The following MEIS3 variants were observed in gnomAD, a reference collection of about 807,000 sequenced individuals.
The protein encoded by MEIS3 is Meis homeobox 3, also known as homeobox protein Meis3.
A neutral mutation model predicts 51.4 loss-of-function variants in MEIS3; 38 were observed. The observed-to-expected ratio is 0.74, with a 90% CI of 0.57 to 0.97. The LOEUF (loss-of-function observed/expected upper bound fraction) is 0.97. MEIS3 is among the 50% of genes least tolerant of loss of function. The pLI, the probability that MEIS3 is intolerant of heterozygous loss-of-function variation, is 0.00. For missense variants in MEIS3, 456 were observed against 502.6 expected (o/e 0.91, Z 0.89); for synonymous variants, 198 against 201.8 (o/e 0.98, Z 0.16).
chr19:47,417,623 G>A (rs561677357), intron 1 of MEIS3: 101 of 702,936 alleles, frequency 1.4e-4, no homozygotes, highest in Non-Finnish European at 2.3e-4. Context: ...CTGGCTGGGA[G>A]GGAAAAGAGA....
At chr19:47,413,191 G>T (rs879426089) in intron 6 of MEIS3, among the ~76,000 whole-genome samples, 1 of 151,664 alleles carries the variant, frequency 6.6e-6, no homozygotes, top group South Asian at 2.1e-4. Flanking sequence ...GAAGTCAGGA[G>T]TTCGAGGCCA....
At position 47,407,391 on chromosome 19, in the gene MEIS3, G is replaced by A. The variant is rs746119298; in HGVS notation, c.896C>T (p.Ala299Val). 5.0e-6 allele frequency: 8 copies of A among 1,613,560 alleles called. No individual in the cohort carries two copies. The South Asian group carries it at 5.5e-5, about 11-fold the overall frequency. Residue 299 changes from alanine (A) to valine (V), a missense_variant, in exon 9 of 13, where the codon GCG becomes GTG. Ala to Val is a moderately conservative substitution (Grantham distance 64, BLOSUM62 0). Coordinates refer to ENST00000558555, the MANE Select transcript of MEIS3 (RefSeq NM_001301059.2). Reference sequence around the variant, plus strand: ...CAGGATGGTGAGCCCCGTGTCCTGCGCCAGCTGTTTCTTCTGCTCCTCCGA... The same window carrying A: ...CAGGATGGTGAGCCCCGTGTCCTGCACCAGCTGTTTCTTCTGCTCCTCCGA... Reference protein sequence around the residue: ...YPSEEQKKQLAQDTGLTILQV... With the variant: ...YPSEEQKKQLVQDTGLTILQV...
intron 6 of MEIS3, among the ~76,000 whole-genome samples, chr19:47,410,377 G>A (rs28578940): frequency 0.23 from 35,389 of 150,894 alleles, 4,391 homozygotes; most frequent in Middle Eastern, 0.37. Context: ...GAACCCGGGA[G>A]GGGGAGGTTG....
intron 10 of MEIS3, 48 bp downstream of exon 10, chr19:47,407,031 C>A: frequency 6.3e-7 from 1 of 1,587,332 alleles, no homozygotes; most frequent in Non-Finnish European, 8.6e-7. Context: ...CCGGCTTTGA[C>A]GCCCTCCTAA....
chr19:47,420,940 A>ACACACACACACACACACTCTCTCTCT (rs1187725467), upstream of MEIS3, among the ~76,000 whole-genome samples: 1 of 90,970 alleles, frequency 1.1e-5, no homozygotes, highest in African/African-American at 5.7e-5. Context: ...ACACACACAC[A>ACACACACACACACACACTCTCTCTCT]CTCTCTCTCT....
intron 8 of MEIS3, among the ~76,000 whole-genome samples, chr19:47,407,960 C>A (rs1970933235): frequency 6.6e-6 from 1 of 152,186 alleles, no homozygotes; most frequent in African/African-American, 2.4e-5. Context: ...GTGCGCGCCA[C>A]CATGCCCGAC....
chr19:47,417,311 G>T lies in MEIS3; in HGVS notation c.52C>A (p.Pro18Thr), dbSNP rs769551922. 1.2e-6 allele frequency: 2 copies of T among 1,613,798 alleles called. No homozygotes were observed. The highest frequency in any genetic ancestry group is 1.7e-6 in the Non-Finnish European group (2 of 1,179,904). Residue 18 changes from proline (P) to threonine (T), a missense_variant, in exon 2 of 13, where the codon CCC becomes ACC. Physicochemically the swap from Pro to Thr is conservative, Grantham distance 38. Transcript: ENST00000558555. ...TCTGGGAAGCTAGCCAGGGCTGCGG[G>T]GCCATCCACGATGCCTGGGTAGTGC... ...LPHYPGIVDG[P>T]AALASFPETV...
intron 6 of MEIS3, among the ~76,000 whole-genome samples, chr19:47,411,555 T>G (rs1055967216): frequency 6.7e-6 from 1 of 149,862 alleles, no homozygotes; most frequent in Non-Finnish European, 1.5e-5. Flanking sequence ...TTTTTTTTTT[T>G]TTTGAGACGG....
intron 6 of MEIS3, among the ~76,000 whole-genome samples, chr19:47,410,152 C>T (rs2122504617): frequency 6.6e-6 from 1 of 151,700 alleles, no homozygotes; most frequent in Non-Finnish European, 1.5e-5. Flanking sequence ...ACTAAAAATA[C>T]AAAAACCAGG....
At chr19:47,420,871 G>A (rs12976740), upstream of MEIS3, among the ~76,000 whole-genome samples, 56,989 of 147,044 alleles carry the variant, frequency 0.39, 13,410 homozygotes, top group East Asian at 0.52. Context: ...CCATCCGTCT[G>A]TCTGTCCGTC....
chr19:47,414,592 T>C, intron 6 of MEIS3, 125 bp downstream of exon 6: 3 of 1,151,846 alleles, frequency 2.6e-6, no homozygotes, highest in South Asian at 3.0e-5. Flanking sequence ...TGTGTGCATA[T>C]GCGTGCCCTG....
chr19:47,409,447 G>C lies in MEIS3; in HGVS notation c.698C>G (p.Ser233Cys). 6.2e-7 allele frequency: 1 copy of C among 1,613,538 alleles called. No individual in the cohort carries two copies. Among genetic ancestry groups the C allele is most frequent in the Non-Finnish European group, 8.5e-7 (1 of 1,179,476 alleles). Residue 233 changes from serine (S) to cysteine (C), a missense_variant, in exon 7 of 13, where the codon TCC becomes TGC. Transcript: ENST00000558555. ...CCCAAGATTCTCACCTTGGTCACTGGAGTTGTCCCCACTCTGGGAGGCCAG... is the reference window on the plus strand; with the variant it reads ...CCCAAGATTCTCACCTTGGTCACTGCAGTTGTCCCCACTCTGGGAGGCCAG... ...GGLASQSGDN[S>C]SDQGDGLDTS...
At chr19:47,419,851 C>T (rs1262371178), upstream of MEIS3, among the ~76,000 whole-genome samples, 1 of 152,080 alleles carries the variant, frequency 6.6e-6, no homozygotes, top group Non-Finnish European at 1.5e-5. Context: ...CTCCGAGCCC[C>T]CTGGACACAC....
intron 1 of MEIS3, chr19:47,417,924 C>G: frequency 1.8e-6 from 1 of 566,878 alleles, no homozygotes. Context: ...TCCCCCCCCC[C>G]ACACACACAT....
Position 47,407,421 on chromosome 19 carries a change from T to C in MEIS3, c.866A>G (p.Tyr289Cys), listed in dbSNP as rs762463458. 5.6e-6 allele frequency: 9 copies of C among 1,613,490 alleles called. No individual in the cohort carries two copies. The highest frequency in any genetic ancestry group is 7.6e-6 in the Non-Finnish European group (9 of 1,179,838). ...CTGTTTCTTCTGCTCCTCCGAGGGG[T>C]ACGGGTGCTGCAGCCACCAGCAAGA... is the stretch of plus-strand genomic sequence containing the variant. The part of the protein sequence containing the change: ...AWLFQHLSHP[Y>C]PSEEQKKQLA... Residue 289 changes from tyrosine to cysteine, a missense_variant, in exon 9 of 13, where the codon TAC becomes TGC. Tyr to Cys is a radical substitution (Grantham distance 194). Transcript: ENST00000558555.
chr19:47,421,100 C>T (rs1304440423), upstream of MEIS3, among the ~76,000 whole-genome samples: 1 of 151,954 alleles, frequency 6.6e-6, no homozygotes, highest in Non-Finnish European at 1.5e-5. Flanking sequence ...CCTGTCGGCT[C>T]TTCGAGGGTG....
In MEIS3 at chr19:47,403,197, A is replaced by T; in HGVS notation, c.*374T>A. 3.4e-6 allele frequency: 1 copy of T among 291,836 alleles called. No individual in the cohort carries two copies. The highest frequency in any genetic ancestry group is 6.8e-6 in the Non-Finnish European group (1 of 147,746). The allele number at this position is 291,836 out of a possible 1,614,324, so 18.1% of individuals were successfully genotyped here. A position where few individuals can be genotyped will look rare whatever the true frequency, so the allele number is the denominator to read the frequency against. On this transcript the variant is annotated 3_prime_UTR_variant, in exon 13 of 13. Coordinates refer to ENST00000558555, the MANE Select transcript of MEIS3 (RefSeq NM_001301059.2). ...GGGAGGTAGGGGGGACAGGAGAGTG[A>T]AGGAATCTCTCCAAAATGTCGGATC...
At chr19:47,420,524 A>AGAGAGAGAGAGACAGACGCGGGTGGGAG (rs1400240492), upstream of MEIS3, among the ~76,000 whole-genome samples, 118 of 81,370 alleles carry the variant, frequency 1.5e-3, 3 homozygotes, top group African/African-American at 7.5e-3. Context: ...TGTGATTCAG[A>AGAGAGAGAGAGACAGACGCGGGTGGGAG]GAGAGAGAGA....
At position 47,406,896 on chromosome 19, in the gene MEIS3, C is replaced by A. The variant is rs1323296574; in HGVS notation, c.1070G>T (p.Arg357Leu). 1.9e-6 allele frequency: 3 copies of A among 1,571,524 alleles called. No homozygotes were observed. Among genetic ancestry groups the A allele is most frequent in the Admixed American group, 1.8e-5 (1 of 54,860 alleles). The change falls in exon 11 of 13, where the codon CGG (arginine) becomes CTG (leucine). Residue 357 changes from arginine to leucine, a missense_variant. Transcript: ENST00000558555. ...AAGGGGGCGAGGCTTACCCGGAGGC[C>A]GGACGGCCACGTGTGGCTGCGTCTC... ...YTETQPHVAVRPPGSVGMSLN... is the reference protein window; with the variant it reads ...YTETQPHVAVLPPGSVGMSLN...
Sources: gnomAD v4.1 joint callset for allele counts (sites outside exome capture counted in the v4.1 genomes callset) on GRCh38, gnomAD v4.1.1 for gene constraint, MANE v1.5 for transcripts, NCBI Gene and HGNC (gene_info 2026-07-23, HGNC 2026-07-21) for gene names.